The following HMGCLL1 variants were observed in gnomAD, a reference collection of about 807,000 sequenced individuals.
The protein encoded by HMGCLL1 is 3-hydroxy-3-methylglutaryl-CoA lyase like 1, also known as 3-hydroxymethyl-3-methylglutaryl-CoA lyase, cytoplasmic.
In HMGCLL1, 36 loss-of-function variants were observed where a neutral mutation model predicts 39.1. That is an observed-to-expected ratio of 0.92 (90% confidence interval 0.71 to 1.22). The LOEUF is 1.22. Among genes scored for constraint, HMGCLL1 ranks in the 50% most tolerant of loss-of-function variants. The probability of loss-of-function intolerance (pLI) is 0.00; values close to 1 mark genes in which losing one functional copy is unlikely to be tolerated. For synonymous variants in HMGCLL1, 149 were observed against 144.0 expected, an observed-to-expected ratio of 1.03 and a Z score of -0.25; for missense variants, 451 against 416.5, an observed-to-expected ratio of 1.08 and a Z score of -0.72.
At chr6:55,596,437 A>C in the HMGCLL1 span, among the ~76,000 whole-genome samples, 4 of 152,358 alleles carry the variant, frequency 2.6e-5, no homozygotes, top group Admixed American at 6.5e-5. Flanking sequence ...CAATTGTAGA[A>C]AACAAAGCCT....
chr6:55,437,716 T>C (rs1303448373), intron 8 of HMGCLL1, among the ~76,000 whole-genome samples: 2 of 152,068 alleles, frequency 1.3e-5, no homozygotes, highest in African/African-American at 4.8e-5. Flanking sequence ...AGCCTATTCA[T>C]ACTTATATGT....
chr6:55,438,160 A>G (rs1406527021), intron 8 of HMGCLL1, among the ~76,000 whole-genome samples: 1 of 152,062 alleles, frequency 6.6e-6, no homozygotes, highest in Non-Finnish European at 1.5e-5. Context: ...GGAGCTATTT[A>G]CCCTCATTTA....
intron 7 of HMGCLL1, among the ~76,000 whole-genome samples, chr6:55,473,594 A>G (rs1765142360): frequency 6.6e-6 from 1 of 151,476 alleles, no homozygotes; most frequent in Non-Finnish European, 1.5e-5. Context: ...ATTACCCTGT[A>G]CCTTGTTACT....
intron 3 of HMGCLL1, among the ~76,000 whole-genome samples, chr6:55,530,479 G>C (rs1033071340): frequency 2.6e-5 from 4 of 151,902 alleles, no homozygotes; most frequent in African/African-American, 9.7e-5. Context: ...GTGATGAATT[G>C]ATAGGTCAAA....
At chr6:55,639,437 A>G in the HMGCLL1 span, among the ~76,000 whole-genome samples, 2 of 150,970 alleles carry the variant, frequency 1.3e-5, no homozygotes, top group African/African-American at 4.9e-5. Flanking sequence ...TCCAAACACC[A>G]TGTTTCTGAA....
chr6:55,668,386 C>CTT, the HMGCLL1 span, among the ~76,000 whole-genome samples: 1 of 151,836 alleles, frequency 6.6e-6, no homozygotes, highest in African/African-American at 2.4e-5. Flanking sequence ...AGCTTTTCTT[C>CTT]TTTATCAGCC....
At chr6:55,645,828 A>G in the HMGCLL1 span, among the ~76,000 whole-genome samples, 15 of 151,770 alleles carry the variant, frequency 9.9e-5, no homozygotes, top group African/African-American at 3.6e-4. Context: ...TTGCATCAAT[A>G]TTTAGAGAGA....
At chr6:55,443,298 A>T (rs761493695) in intron 7 of HMGCLL1, among the ~76,000 whole-genome samples, 1 of 152,176 alleles carries the variant, frequency 6.6e-6, no homozygotes, top group Non-Finnish European at 1.5e-5. Flanking sequence ...AAAAAAGTAT[A>T]AAGTAGCAAA....
At chr6:55,647,191 C>T in the HMGCLL1 span, among the ~76,000 whole-genome samples, 4 of 151,744 alleles carry the variant, frequency 2.6e-5, no homozygotes, top group Non-Finnish European at 5.9e-5. Context: ...TTCTTGAAAT[C>T]TATTTTGTGA....
intron 7 of HMGCLL1, among the ~76,000 whole-genome samples, chr6:55,457,808 G>A (rs1483438560): frequency 6.6e-6 from 1 of 152,118 alleles, no homozygotes; most frequent in Non-Finnish European, 1.5e-5. Context: ...ACTTTTGGCA[G>A]AGTGATTTTT....
chr6:55,499,391 G>T, intron 5 of HMGCLL1, 92 bp from the exon 6 acceptor site: 1 of 958,312 alleles, frequency 1.0e-6, no homozygotes, highest in South Asian at 1.9e-5. Flanking sequence ...ACTGCATCAA[G>T]AAAATTTATT....
intron 3 of HMGCLL1, among the ~76,000 whole-genome samples, chr6:55,537,623 G>A (rs1051207883): frequency 6.6e-6 from 1 of 152,106 alleles, no homozygotes; most frequent in African/African-American, 2.4e-5. Flanking sequence ...TGGACTGTGG[G>A]CATTCACACT....
At chr6:55,496,412 G>T (rs929078906) in intron 6 of HMGCLL1, among the ~76,000 whole-genome samples, 1 of 152,036 alleles carries the variant, frequency 6.6e-6, no homozygotes, top group African/African-American at 2.4e-5. Context: ...AATCATAACT[G>T]CATAAAATTA....
Position 55,516,489 on chromosome 6 carries a change from A to T in HMGCLL1, c.393+19T>A, listed in dbSNP as rs1393128757. 2 of 1,509,802 alleles carry T rather than the reference A, an allele frequency of 1.3e-6. No homozygotes were observed. The highest frequency in any genetic ancestry group is 1.4e-5 in the African/African-American group (1 of 73,008). The allele number at this position is 1,509,802 out of a possible 1,614,324, so 93.5% of individuals were successfully genotyped here. ...GATAAGAGGCCTATCAATTTTAGAGATATTAGTAGCACACTTACAGCATGG... is the reference window on the plus strand; with the variant it reads ...GATAAGAGGCCTATCAATTTTAGAGTTATTAGTAGCACACTTACAGCATGG... On this transcript the variant is annotated intron_variant, in intron 4 of 8. Coordinates refer to ENST00000274901, the MANE Select transcript of HMGCLL1 (RefSeq NM_001042406.2).
At chr6:55,540,835 G>T (rs2127456201) in intron 3 of HMGCLL1, among the ~76,000 whole-genome samples, 1 of 152,220 alleles carries the variant, frequency 6.6e-6, no homozygotes, top group Non-Finnish European at 1.5e-5. Flanking sequence ...GCAAATGACT[G>T]TTGGTATTGG....
intron 7 of HMGCLL1, among the ~76,000 whole-genome samples, chr6:55,458,589 G>C (rs1404320556): frequency 6.6e-6 from 1 of 152,126 alleles, no homozygotes. Context: ...GGTGTGTTTA[G>C]AGAGAATTAA....
chr6:55,582,588 A>C (rs2127482597), upstream of HMGCLL1, among the ~76,000 whole-genome samples: 1 of 152,264 alleles, frequency 6.6e-6, no homozygotes, highest in South Asian at 2.1e-4. Context: ...CCATAACTTC[A>C]GCAATATCAA....
At chr6:55,632,948 T>TA in the HMGCLL1 span, among the ~76,000 whole-genome samples, 1 of 152,134 alleles carries the variant, frequency 6.6e-6, no homozygotes, top group Non-Finnish European at 1.5e-5. Flanking sequence ...TAAAGCTGCA[T>TA]ATAGACTCTT....
the HMGCLL1 span, among the ~76,000 whole-genome samples, chr6:55,657,433 G>A: frequency 1.1e-3 from 167 of 152,004 alleles, no homozygotes; most frequent in Non-Finnish European, 1.5e-3. Flanking sequence ...AGCCCAGTAC[G>A]ATTTACTGAA....
Sources: allele counts gnomAD v4.1 joint callset (sites outside exome capture counted in the v4.1 genomes callset), GRCh38; gene constraint gnomAD v4.1.1; transcripts MANE v1.5; gene names NCBI Gene and HGNC (gene_info 2026-07-23, HGNC 2026-07-21).